Variants in SAMD12 observed in about 807,000 individuals in gnomAD.
The protein encoded by SAMD12 is sterile alpha motif domain containing 12, also known as sterile alpha motif domain-containing protein 12.
A neutral mutation model predicts 15.0 loss-of-function variants in SAMD12; 9 were observed. The ratio of observed to expected loss-of-function variants is 0.60; its 90% confidence interval spans 0.36 to 1.05. The LOEUF (loss-of-function observed/expected upper bound fraction) is 1.05, where lower values mean the gene tolerates loss of function less well. Among genes scored for constraint, SAMD12 ranks in the 50% least tolerant of loss-of-function variants. SAMD12 has a pLI of 0.01. For synonymous variants in SAMD12, 86 were observed against 90.1 expected (o/e 0.96, Z 0.25); for missense variants, 230 against 234.2 (o/e 0.98, Z 0.12).
chr8:118,254,092 G>A (rs1454256792), intron 4 of SAMD12, among the ~76,000 whole-genome samples: 1 of 152,138 alleles, frequency 6.6e-6, no homozygotes, highest in Non-Finnish European at 1.5e-5. Flanking sequence ...TTCAAGCAAA[G>A]CAGATTTCAT....
At chr8:118,494,702 TCAG>T (rs1292251001) in intron 2 of SAMD12, among the ~76,000 whole-genome samples, 1 of 88,782 alleles carries the variant, frequency 1.1e-5, no homozygotes, top group Admixed American at 1.2e-4. Context: ...AAGGAGTTAG[TCAG>T]TCCTTCTGTT....
intron 4 of SAMD12, among the ~76,000 whole-genome samples, chr8:118,263,467 A>G (rs1196707949): frequency 6.6e-6 from 1 of 152,088 alleles, no homozygotes; most frequent in Non-Finnish European, 1.5e-5. Context: ...AAGTTAAATA[A>G]GAGATTTTGG....
At chr8:118,413,999 T>C (rs1234010614) in intron 3 of SAMD12, among the ~76,000 whole-genome samples, 3 of 152,284 alleles carry the variant, frequency 2.0e-5, no homozygotes, top group South Asian at 2.1e-4. Context: ...GGTAAAAAGG[T>C]ATTAAACAAT....
chr8:118,359,349 C>A (rs777094764), intron 4 of SAMD12, among the ~76,000 whole-genome samples: 8 of 152,070 alleles, frequency 5.3e-5, no homozygotes, highest in Admixed American at 1.3e-4. Flanking sequence ...CTTCTAGCCT[C>A]CAGGACAGCA....
intron 2 of SAMD12, among the ~76,000 whole-genome samples, chr8:118,560,983 T>C (rs1475048140): frequency 6.6e-6 from 1 of 152,248 alleles, no homozygotes; most frequent in Non-Finnish European, 1.5e-5. Flanking sequence ...CTGTATTTTG[T>C]GATGTTTGTG....
rs767058018 is a variant in SAMD12, at chr8:118,621,901, C to G, written c.-85G>C. 2 of 1,468,166 alleles carry G rather than the reference C, an allele frequency of 1.4e-6. No individual in the cohort carries two copies. Among genetic ancestry groups the G allele is most frequent in the South Asian group, 1.1e-5 (1 of 88,090 alleles). The allele number at this position is 1,468,166 out of a possible 1,614,324, so 90.9% of individuals were successfully genotyped here. ...CGCGCTCCCCCCTTCCTCTCGCTTT[C>G]GCCTAAATATTCTGCGCTTATCTGC... On this transcript the variant is annotated 5_prime_UTR_variant, in exon 1 of 4. Coordinates refer to ENST00000314727, the MANE Select transcript of SAMD12 (RefSeq NM_207506.3).
At chr8:118,601,388 A>C (rs1827862126) in intron 1 of SAMD12, among the ~76,000 whole-genome samples, 1 of 152,186 alleles carries the variant, frequency 6.6e-6, no homozygotes, top group Non-Finnish European at 1.5e-5. Context: ...GTAGCTTAAA[A>C]CAATAAATTA....
At chr8:118,518,098 T>C (rs1280078944) in intron 2 of SAMD12, among the ~76,000 whole-genome samples, 2 of 152,228 alleles carry the variant, frequency 1.3e-5, no homozygotes, top group African/African-American at 4.8e-5. Context: ...TTTGCCCAGC[T>C]TGTGCCTTGT....
At chr8:118,360,025 G>A (rs1169141946) in intron 4 of SAMD12, among the ~76,000 whole-genome samples, 2 of 152,124 alleles carry the variant, frequency 1.3e-5, no homozygotes, top group African/African-American at 4.8e-5. Context: ...GGTCTGAGGT[G>A]GAGCTCTGGG....
chr8:118,227,508 A>G (rs1363926716), intron 4 of SAMD12, among the ~76,000 whole-genome samples: 1 of 152,120 alleles, frequency 6.6e-6, no homozygotes, highest in Non-Finnish European at 1.5e-5. Context: ...TGTACCCAGA[A>G]GCCTAAAATG....
downstream of SAMD12, among the ~76,000 whole-genome samples, chr8:118,377,337 G>A (rs892441754): frequency 2.0e-5 from 3 of 152,156 alleles, no homozygotes; most frequent in Admixed American, 2.0e-4. Context: ...GGTGGAGGTT[G>A]CAGTGAGCCA....
rs553963099 is a variant in SAMD12, at chr8:118,467,026, T to A, written c.193-27065A>T. ...TTGCTTCACAAACCATTTTTGGTAA[T>A]CAATGATTACTAGTAGTAGTCACAA... On this transcript the variant is annotated intron_variant, in intron 2 of 3. Transcript: ENST00000314727. 2.6e-5 allele frequency among the ~76,000 whole-genome samples: 4 copies of A among 152,292 alleles called. No individual in the cohort carries two copies. The Middle Eastern group carries it at 0.01, about 389-fold the overall frequency.
At chr8:118,360,738 A>G (rs562146898) in intron 4 of SAMD12, among the ~76,000 whole-genome samples, 21 of 152,160 alleles carry the variant, frequency 1.4e-4, no homozygotes, top group Non-Finnish European at 2.5e-4. Context: ...AGCAAACTCT[A>G]CTCGTGCTAG....
chr8:118,146,495 C>A, the SAMD12 span, among the ~76,000 whole-genome samples: 37 of 152,142 alleles, frequency 2.4e-4, no homozygotes, highest in Non-Finnish European at 2.9e-5. Context: ...TCCTGAAGAC[C>A]CCATATTCCA....
chr8:118,397,206 T>C (rs1449227302), intron 3 of SAMD12, among the ~76,000 whole-genome samples: 3 of 152,058 alleles, frequency 2.0e-5, no homozygotes, highest in South Asian at 4.1e-4. Context: ...AGAACTGACA[T>C]ACAAACCCAC....
intron 1 of SAMD12, among the ~76,000 whole-genome samples, chr8:118,583,727 G>T (rs1271307334): frequency 6.6e-6 from 1 of 152,074 alleles, no homozygotes; most frequent in Non-Finnish European, 1.5e-5. Flanking sequence ...TGTCAGCTCA[G>T]ACCTCTTCTT....
chr8:118,159,329 T>C, the SAMD12 span, among the ~76,000 whole-genome samples: 4 of 152,158 alleles, frequency 2.6e-5, no homozygotes, highest in African/African-American at 9.7e-5. Flanking sequence ...CCTGTGCCAG[T>C]GCCTGGACCT....
At chr8:118,173,573 ATATT>A in the SAMD12 span, among the ~76,000 whole-genome samples, 5 of 147,688 alleles carry the variant, frequency 3.4e-5, no homozygotes, top group Non-Finnish European at 7.5e-5. Flanking sequence ...TATAATCTAT[ATATT>A]TAACTATAGA....
chr8:118,173,334 G>A, the SAMD12 span, among the ~76,000 whole-genome samples: 4 of 152,138 alleles, frequency 2.6e-5, no homozygotes, highest in African/African-American at 9.7e-5. Context: ...TGGAGGTGGA[G>A]AGCAGAAGGG....
Sources: gnomAD v4.1 joint callset for allele counts (sites outside exome capture counted in the v4.1 genomes callset) on GRCh38, gnomAD v4.1.1 for gene constraint, MANE v1.5 for transcripts, NCBI Gene and HGNC (gene_info 2026-07-23, HGNC 2026-07-21) for gene names.